Variants in WDR35 observed in about 807,000 individuals in gnomAD.
WDR35 encodes WD repeat domain 35.
Under a neutral mutation model 158.3 loss-of-function variants are expected in WDR35, and 118 were observed. The observed-to-expected ratio is 0.75, with a 90% CI of 0.64 to 0.87. The LOEUF is 0.87. WDR35 is among the 40% of genes least tolerant of loss of function. WDR35 has a pLI of 0.00. For missense variants in WDR35, 1,263 were observed against 1,405.8 expected, an observed-to-expected ratio of 0.90 and a Z score of 1.62; for synonymous variants, 448 against 476.1, an observed-to-expected ratio of 0.94 and a Z score of 0.77.
intron 3 of WDR35, among the ~76,000 whole-genome samples, chr2:19,981,527 T>G (rs1236034908): frequency 6.6e-6 from 1 of 152,140 alleles, no homozygotes; most frequent in South Asian, 2.1e-4. Flanking sequence ...TTTAGTCTTT[T>G]TTTTTCTTGA....
intron 25 of WDR35, among the ~76,000 whole-genome samples, chr2:19,915,744 A>T (rs192883661): frequency 6.6e-6 from 1 of 152,008 alleles, no homozygotes; most frequent in Non-Finnish European, 1.5e-5. Flanking sequence ...CAAGAAGAAA[A>T]CTACAAATCT....
intron 5 of WDR35, among the ~76,000 whole-genome samples, chr2:19,976,596 A>T (rs1048493158): frequency 2.6e-5 from 4 of 152,014 alleles, no homozygotes; most frequent in Non-Finnish European, 5.9e-5. Flanking sequence ...AGAGTCTAGA[A>T]CTCTGAGAAA....
intron 1 of WDR35, 149 bp downstream of exon 1, chr2:19,989,843 G>C: frequency 2.3e-6 from 3 of 1,326,352 alleles, no homozygotes; most frequent in Non-Finnish European, 3.2e-6. Context: ...GAAGAGGTCG[G>C]AGGCTGGACC....
chr2:19,977,269 A>G (rs972824557), intron 5 of WDR35, among the ~76,000 whole-genome samples: 2 of 152,232 alleles, frequency 1.3e-5, no homozygotes, highest in Non-Finnish European at 2.9e-5. Context: ...GCAGATATGT[A>G]TGTCTAACTA....
chr2:19,931,194 G>A, intron 24 of WDR35, 75 bp downstream of exon 24: 2 of 1,517,568 alleles, frequency 1.3e-6, no homozygotes, highest in Non-Finnish European at 1.8e-6. Context: ...ATCCATAAAA[G>A]AAGTTTAATA....
intron 25 of WDR35, among the ~76,000 whole-genome samples, chr2:19,923,428 G>A (rs1003766506): frequency 6.6e-6 from 1 of 152,218 alleles, no homozygotes; most frequent in Non-Finnish European, 1.5e-5. Flanking sequence ...AGTGTGGGCT[G>A]TGGTTCGTTC....
chr2:19,959,852 T>C (rs1671577362), intron 11 of WDR35, among the ~76,000 whole-genome samples: 2 of 152,052 alleles, frequency 1.3e-5, no homozygotes, highest in Admixed American at 1.3e-4. Flanking sequence ...TATACTACCA[T>C]ACACATTAAA....
At chr2:19,918,339 A>C (rs2103383091) in intron 25 of WDR35, among the ~76,000 whole-genome samples, 1 of 152,352 alleles carries the variant, frequency 6.6e-6, no homozygotes, top group East Asian at 1.9e-4. Flanking sequence ...ATCAGCTAAC[A>C]GACAGAATAA....
chr2:19,985,761 G>T (rs1246214762), intron 2 of WDR35, among the ~76,000 whole-genome samples: 4 of 151,202 alleles, frequency 2.6e-5, no homozygotes, highest in Non-Finnish European at 1.5e-5. Flanking sequence ...GCTGGGCGTG[G>T]TGGCACGCAC....
chr2:19,937,763 C>A lies in WDR35; in HGVS notation c.2247G>T (p.Thr749=), dbSNP rs549934040. Reference sequence around the variant, plus strand: ...CTTACCTTCTGTCCATCTCGAGATACGTTCTTTCAGCCTCTTCAAACCTGC... The same window carrying A: ...CTTACCTTCTGTCCATCTCGAGATAAGTTCTTTCAGCCTCTTCAAACCTGC... ...YFGRFEEAER[T]YLEMDRRDLA... The change falls in exon 19 of 27, where the codon ACG becomes ACT. Residue 749 remains threonine (T), a synonymous_variant. Transcript: ENST00000281405. 1.1e-5 allele frequency: 17 copies of A among 1,613,994 alleles called. No homozygotes were observed. The East Asian group carries it at 1.6e-4, about 15-fold the overall frequency.
At chr2:19,964,352 T>TTTTTTTTC (rs1209732341) in intron 10 of WDR35, among the ~76,000 whole-genome samples, 6 of 150,554 alleles carry the variant, frequency 4.0e-5, no homozygotes, top group Admixed American at 6.7e-5. Context: ...TGTTCACTCT[T>TTTTTTTTC]TTTTTTTCTT....
intron 25 of WDR35, among the ~76,000 whole-genome samples, chr2:19,928,428 C>G (rs1670423255): frequency 6.6e-6 from 1 of 152,202 alleles, no homozygotes; most frequent in South Asian, 2.1e-4. Flanking sequence ...TTTCCCACTT[C>G]ACACCTCTAT....
chr2:19,978,663 C>T, intron 5 of WDR35, 88 bp downstream of exon 5: 2 of 1,579,132 alleles, frequency 1.3e-6, no homozygotes, highest in South Asian at 1.1e-5. Context: ...AATCAGAATG[C>T]TAACATATGG....
intron 8 of WDR35, among the ~76,000 whole-genome samples, chr2:19,972,611 G>C (rs1672065633): frequency 6.6e-6 from 1 of 151,710 alleles, no homozygotes; most frequent in Non-Finnish European, 1.5e-5. Flanking sequence ...GTTTGACAAT[G>C]TATAGAGAGC....
Position 19,931,411 on chromosome 2 carries a change from TTAAACA to T in WDR35, c.2824-8_2824-3del, listed in dbSNP as rs1371381334. On this transcript the variant is annotated splice_region_variant and splice_polypyrimidine_tract_variant and intron_variant, in intron 23 of 26. Coordinates refer to ENST00000281405, the MANE Select transcript of WDR35 (RefSeq NM_020779.4). The stretch of plus-strand genomic sequence containing the variant: ...TTTCTTTGCCTCTTCATCTGCAATC[TTAAACA>T]TTTTTCAAAATTGAGGGAAGTTACT... 6.2e-7 allele frequency: 1 copy of T among 1,612,972 alleles called. No homozygotes were observed. The highest frequency in any genetic ancestry group is 8.5e-7 in the Non-Finnish European group (1 of 1,179,584).
At chr2:19,944,770 T>C (rs1327335488) in intron 16 of WDR35, among the ~76,000 whole-genome samples, 1 of 152,078 alleles carries the variant, frequency 6.6e-6, no homozygotes, top group African/African-American at 2.4e-5. Flanking sequence ...CCAAAATTCC[T>C]GAGTAGGGCT....
chr2:19,949,778 G>A (rs1671176239), intron 13 of WDR35, among the ~76,000 whole-genome samples: 1 of 152,186 alleles, frequency 6.6e-6, no homozygotes, highest in Admixed American at 6.5e-5. Flanking sequence ...CAATTTGAGG[G>A]AAATTTAGGA....
At chr2:19,977,935 A>T (rs1227971586) in intron 5 of WDR35, among the ~76,000 whole-genome samples, 1 of 152,208 alleles carries the variant, frequency 6.6e-6, no homozygotes, top group Non-Finnish European at 1.5e-5. Context: ...CTTGTGGCTA[A>T]TGCCTCAGCA....
chr2:19,937,607 G>T, intron 19 of WDR35, 136 bp downstream of exon 19: 2 of 1,157,730 alleles, frequency 1.7e-6, no homozygotes, highest in East Asian at 2.5e-5. Context: ...AGAATATCTA[G>T]GTTGTAATCC....
Sources: gnomAD v4.1 joint callset for allele counts (sites outside exome capture counted in the v4.1 genomes callset) on GRCh38, gnomAD v4.1.1 for gene constraint, MANE v1.5 for transcripts, NCBI Gene and HGNC (gene_info 2026-07-23, HGNC 2026-07-21) for gene names.